NKD2: variants seen among roughly 807,000 people sequenced by gnomAD.
The protein encoded by NKD2 is protein naked cuticle homolog 2.
NKD2 carries 43 observed loss-of-function variants against 34.8 expected under a neutral mutation model. The ratio of observed to expected loss-of-function variants is 1.24; its 90% CI spans 0.97 to 1.60. The LOEUF (loss-of-function observed/expected upper bound fraction) is 1.60, where lower values mean the gene tolerates loss of function less well. Ranked by LOEUF, NKD2 falls within the 40% of genes most tolerant of loss-of-function variation. NKD2 has a pLI of 0.00. For missense variants in NKD2, 675 were observed against 627.1 expected, an observed-to-expected ratio of 1.08 and a Z score of -0.82; for synonymous variants, 278 against 265.1, an observed-to-expected ratio of 1.05 and a Z score of -0.47.
At chr5:1,021,381 C>A (rs1436839337) in intron 3 of NKD2, among the ~76,000 whole-genome samples, 1 of 123,840 alleles carries the variant, frequency 8.1e-6, no homozygotes, top group African/African-American at 3.1e-5. Flanking sequence ...CCCACCCACC[C>A]ACCCACCCAC....
intron 3 of NKD2, among the ~76,000 whole-genome samples, chr5:1,011,608 G>A (rs1413861660): frequency 2.0e-5 from 3 of 152,198 alleles, no homozygotes; most frequent in East Asian, 1.9e-4. Flanking sequence ...TCCTGGTTCC[G>A]TGCGAGGCAT....
intron 3 of NKD2, among the ~76,000 whole-genome samples, chr5:1,026,044 A>G (rs1756381618): frequency 2.6e-5 from 2 of 76,840 alleles, no homozygotes; most frequent in African/African-American, 1.1e-4. Context: ...TGGGCGTCCC[A>G]GCCCATTGTC....
At chr5:1,011,402 C>T (rs1288042482) in intron 3 of NKD2, among the ~76,000 whole-genome samples, 4 of 152,318 alleles carry the variant, frequency 2.6e-5, no homozygotes, top group East Asian at 3.9e-4. Context: ...CCAGGAGAGT[C>T]GCAGGCCACC....
intron 3 of NKD2, 107 bp from the exon 4 acceptor site, chr5:1,032,045 G>T: frequency 1.2e-6 from 1 of 837,026 alleles, no homozygotes; most frequent in South Asian, 1.4e-5. Context: ...GCCCCAGGAG[G>T]CCTGAGGCGA....
chr5:1,030,725 G>A (rs891428309), intron 3 of NKD2, among the ~76,000 whole-genome samples: 8 of 152,106 alleles, frequency 5.3e-5, no homozygotes, highest in African/African-American at 9.7e-5. Flanking sequence ...CCGGAATGTC[G>A]GGACTGCAGC....
chr5:1,028,116 ACC>A (rs1756496474), intron 3 of NKD2, among the ~76,000 whole-genome samples: 1 of 152,060 alleles, frequency 6.6e-6, no homozygotes, highest in South Asian at 2.1e-4. Flanking sequence ...TTTGCATCTT[ACC>A]GTCTGGGCTG....
chr5:1,031,186 A>G (rs979406161), intron 3 of NKD2, among the ~76,000 whole-genome samples: 5 of 152,122 alleles, frequency 3.3e-5, no homozygotes, highest in Non-Finnish European at 7.4e-5. Flanking sequence ...AGACAGCCCC[A>G]TAGGAGGTCA....
chr5:1,030,354 A>G (rs151277054), intron 3 of NKD2, among the ~76,000 whole-genome samples: 90 of 151,950 alleles, frequency 5.9e-4, no homozygotes, highest in Middle Eastern at 3.4e-3. Context: ...GGCTGCCCTT[A>G]TGACACCATT....
chr5:1,036,704 G>A (rs1733965049), intron 9 of NKD2: 1 of 536,832 alleles, frequency 1.9e-6, no homozygotes, highest in African/African-American at 1.9e-5. Flanking sequence ...GGGAAACCCT[G>A]CCTTGGGGTG....
intron 8 of NKD2, 25 bp downstream of exon 8, chr5:1,035,498 G>A (rs1233957589): frequency 6.5e-7 from 1 of 1,539,908 alleles, no homozygotes; most frequent in Non-Finnish European, 8.8e-7. Flanking sequence ...GCCAGGGTGG[G>A]GCTGTGCCTT....
intron 9 of NKD2, 137 bp downstream of exon 9, chr5:1,036,521 C>CACCCG: frequency 1.5e-6 from 1 of 663,102 alleles, no homozygotes; most frequent in Admixed American, 2.8e-5. Context: ...CACCCCACCC[C>CACCCG]ACCCAGGACG....
chr5:1,030,134 G>A (rs774329381), intron 3 of NKD2, among the ~76,000 whole-genome samples: 29 of 152,076 alleles, frequency 1.9e-4, no homozygotes, highest in Non-Finnish European at 3.8e-4. Context: ...GATGCCTCGG[G>A]GCACCCACCT....
At chr5:1,037,645 C>T in intron 9 of NKD2, 160 bp from the exon 10 acceptor site, 1 of 1,536,022 alleles carries the variant, frequency 6.5e-7, no homozygotes. Flanking sequence ...AGGCCCCTTC[C>T]CTTCAGGGCT....
At position 1,009,232 on chromosome 5, in the gene NKD2, C is replaced by T. The variant is rs891862430; in HGVS notation, c.61+18C>T. On this transcript the variant is annotated intron_variant, in intron 2 of 9. Transcript: ENST00000296849. This position sits in a 1 kb window ranked among gnomAD's most constrained non-coding sequence, Gnocchi z 6.9. ...CCCGGAAGGTGAGCGGGCGAGCCGA[C>T]GGGCGGGGCGGGGGGCGGCGACCCG... The T allele has an allele frequency of 1.1e-5, 5 of 455,342 alleles. No individual in the cohort carries two copies. Among genetic ancestry groups the T allele is most frequent in the Admixed American group, 4.4e-5 (1 of 22,494 alleles). 28.2% of individuals were successfully genotyped at this position (455,342 alleles called of 1,614,324 possible).
rs900216886 is a variant in NKD2 at position 1,020,424 on chromosome 5, C to A, written c.141+10864C>A. 5.3e-5 allele frequency among the ~76,000 whole-genome samples: 8 copies of A among 152,220 alleles called. No individual in the cohort carries two copies. In the East Asian group the frequency reaches 9.6e-4, roughly 18 times the overall value. On this transcript the variant is annotated intron_variant, in intron 3 of 9. Coordinates refer to ENST00000296849, the MANE Select transcript of NKD2 (RefSeq NM_033120.4). ...TCATTTCAAGACACCTGCTCTCCAC[C>A]CCCACCCCCTAGTCACCCTGCTCAG... is the stretch of plus-strand genomic sequence containing the variant.
intron 3 of NKD2, among the ~76,000 whole-genome samples, chr5:1,013,831 C>G (rs1244575959): frequency 6.6e-6 from 1 of 152,188 alleles, no homozygotes; most frequent in Non-Finnish European, 1.5e-5. Flanking sequence ...GTCACTGTAC[C>G]TGGACAGTGC....
At chr5:1,035,893 CAGGCAGTGGCTG>C (rs1039265456) in intron 8 of NKD2, 28 of 351,220 alleles carry the variant, frequency 8.0e-5, no homozygotes, top group African/African-American at 4.7e-4. Flanking sequence ...GGGGATGGCT[CAGGCAGTGGCTG>C]AGGCAGTGGC....
intron 3 of NKD2, among the ~76,000 whole-genome samples, chr5:1,015,652 TG>T (rs1310817406): frequency 6.6e-6 from 1 of 152,186 alleles, no homozygotes; most frequent in Non-Finnish European, 1.5e-5. Flanking sequence ...GAGCCACTGC[TG>T]GGGTGAGGTC....
intron 3 of NKD2, among the ~76,000 whole-genome samples, chr5:1,022,495 CCCGCTAG>C (rs1756244593): frequency 5.7e-5 from 1 of 17,548 alleles, no homozygotes; most frequent in African/African-American, 8.0e-5. Flanking sequence ...GCTCTTCCCA[CCCGCTAG>C]TGGGTGTCCC....
Sources: gnomAD v4.1 joint callset for allele counts (sites outside exome capture counted in the v4.1 genomes callset) on GRCh38, gnomAD v4.1.1 for gene constraint, Gnocchi (gnomAD v3.1) non-coding constraint, MANE v1.5 for transcripts, NCBI Gene and HGNC (gene_info 2026-07-23, HGNC 2026-07-21) for gene names.